The following SLC4A10 variants were observed in gnomAD, a reference collection of about 807,000 sequenced individuals.
SLC4A10 encodes sodium-driven chloride bicarbonate exchanger.
Under a neutral mutation model 137.7 loss-of-function variants are expected in SLC4A10, and 42 were observed. The observed-to-expected ratio is 0.30, with a 90% CI of 0.24 to 0.39. SLC4A10 has a LOEUF of 0.39. Ranked by LOEUF, SLC4A10 falls within the 10% of genes least tolerant of loss-of-function variation. The probability of loss-of-function intolerance (pLI) is 1.00; values close to 1 mark genes in which losing one functional copy is unlikely to be tolerated. For missense variants in SLC4A10, 925 were observed against 1,355.0 expected (o/e 0.68, Z 4.98); for synonymous variants, 474 against 464.1 (o/e 1.02, Z -0.27).
At chr2:161,909,361 T>C (rs1685270330) in intron 15 of SLC4A10, among the ~76,000 whole-genome samples, 1 of 152,218 alleles carries the variant, frequency 6.6e-6, no homozygotes, top group Non-Finnish European at 1.5e-5. Flanking sequence ...TGTGAGCATC[T>C]AAAACCTAAT....
rs1574365743 is a variant in SLC4A10 at position 161,689,980 on chromosome 2, C to T, written c.48+65414C>T. The stretch of plus-strand genomic sequence containing the variant: ...TCTGAAGAATATAGTGGATTCATGG[C>T]ATATACTAGTGTTCAAATGAATTTA... On this transcript the variant is annotated intron_variant, in intron 1 of 26. Transcript: ENST00000446997. Among the ~76,000 whole-genome samples the T allele has an allele frequency of 2.0e-5, 3 of 152,050 alleles. 1 individual carries two copies. In the East Asian group the frequency reaches 5.8e-4, roughly 29 times the overall value.
intron 2 of SLC4A10, among the ~76,000 whole-genome samples, chr2:161,791,914 G>A (rs1193817841): frequency 6.6e-6 from 1 of 152,076 alleles, no homozygotes; most frequent in East Asian, 1.9e-4. Context: ...ACAAGTACTT[G>A]CAGGCATGTG....
chr2:161,942,804 G>A lies in SLC4A10; in HGVS notation c.2010G>A (p.Val670=). ...ELLTQYSCNC[V]EPHNPSNGTL... is the part of the protein sequence containing the mutation. ...TTTGCCTTTTCAGGTGTAACTGTGT[G>A]GAACCGCATAATCCCAGCAATGGCA... is the stretch of plus-strand genomic sequence containing the variant. The change falls in exon 16 of 27, where the codon GTG becomes GTA. Residue 670 remains valine, a synonymous_variant. Transcript: ENST00000446997. 6.2e-7 allele frequency: 1 copy of A among 1,602,580 alleles called. No homozygotes were observed. Among genetic ancestry groups the A allele is most frequent in the Non-Finnish European group, 8.5e-7 (1 of 1,174,210 alleles).
chr2:161,967,482 A>G (rs965973042), intron 23 of SLC4A10, among the ~76,000 whole-genome samples: 2 of 152,166 alleles, frequency 1.3e-5, no homozygotes, highest in Non-Finnish European at 2.9e-5. Flanking sequence ...TGGTATGAAA[A>G]TGCTCAGTGA....
At chr2:161,688,054 C>T (rs1355391326) in intron 1 of SLC4A10, among the ~76,000 whole-genome samples, 1 of 152,062 alleles carries the variant, frequency 6.6e-6, no homozygotes, top group African/African-American at 2.4e-5. Flanking sequence ...TTTTATTGCT[C>T]ATACATAAAT....
At chr2:161,963,962 A>G (rs1575878798) in intron 21 of SLC4A10, among the ~76,000 whole-genome samples, 173 bp from the exon 22 acceptor site, 1 of 152,156 alleles carries the variant, frequency 6.6e-6, no homozygotes, top group South Asian at 2.1e-4. Flanking sequence ...CTGAAATTGT[A>G]GTGTTTCAGA....
chr2:161,851,295 A>G (rs767766856), intron 4 of SLC4A10, among the ~76,000 whole-genome samples: 1 of 152,174 alleles, frequency 6.6e-6, no homozygotes, highest in Admixed American at 6.5e-5. Context: ...GATCTGTCCA[A>G]TGCCATCAGT....
chr2:161,849,942 T>G (rs1018652619), intron 4 of SLC4A10, among the ~76,000 whole-genome samples: 1 of 152,092 alleles, frequency 6.6e-6, no homozygotes, highest in South Asian at 2.1e-4. Flanking sequence ...CTCCTCCTTG[T>G]TTTTTGGAAT....
intron 2 of SLC4A10, among the ~76,000 whole-genome samples, chr2:161,783,097 C>A (rs75862049): frequency 6.6e-6 from 1 of 151,858 alleles, no homozygotes; most frequent in Non-Finnish European, 1.5e-5. Flanking sequence ...AGTTACTTGT[C>A]GGGTACAAGG....
intron 3 of SLC4A10, among the ~76,000 whole-genome samples, chr2:161,826,549 G>C (rs1369708306): frequency 6.6e-6 from 1 of 152,124 alleles, no homozygotes; most frequent in Non-Finnish European, 1.5e-5. Flanking sequence ...CAAAAGGAGA[G>C]TATTTTCACT....
chr2:161,855,954 G>T (rs780786626), intron 5 of SLC4A10, among the ~76,000 whole-genome samples: 2 of 152,012 alleles, frequency 1.3e-5, no homozygotes, highest in Non-Finnish European at 2.9e-5. Flanking sequence ...TAATCATATT[G>T]TAGAGATGAA....
Position 161,882,450 on chromosome 2 carries a change from T to C in SLC4A10, c.1194+6T>C, listed in dbSNP as rs1249395674. 12 of 1,561,578 alleles carry C rather than the reference T, an allele frequency of 7.7e-6. No homozygotes were observed. Among genetic ancestry groups the C allele is most frequent in the Non-Finnish European group, 1.0e-5 (12 of 1,152,028 alleles). On this transcript the variant is annotated splice_donor_region_variant and intron_variant, in intron 10 of 26. Coordinates refer to ENST00000446997, the MANE Select transcript of SLC4A10 (RefSeq NM_001178015.2). Reference sequence around the variant, plus strand: ...CAACCCTAATGACAGATGAGGTATTTATTCAAGTTCTTTGGGAACATTTTC... The same window carrying C: ...CAACCCTAATGACAGATGAGGTATTCATTCAAGTTCTTTGGGAACATTTTC...
intron 1 of SLC4A10, among the ~76,000 whole-genome samples, chr2:161,628,677 G>T (rs1249344210): frequency 6.6e-6 from 1 of 151,934 alleles, no homozygotes; most frequent in Non-Finnish European, 1.5e-5. Context: ...TAGTCAGTAG[G>T]AAGCAAAATG....
At chr2:161,977,288 A>T (rs1219125637) in intron 25 of SLC4A10, 1 of 380,142 alleles carries the variant, frequency 2.6e-6, no homozygotes, top group Non-Finnish European at 5.3e-6. Flanking sequence ...ATAAATATTT[A>T]TATTTAGTAT....
intron 11 of SLC4A10, among the ~76,000 whole-genome samples, chr2:161,897,299 CCT>C (rs2063602985): frequency 1.3e-5 from 2 of 152,084 alleles, no homozygotes; most frequent in Non-Finnish European, 2.9e-5. Flanking sequence ...CATACTGCCA[CCT>C]CTATGCCTAC....
intron 15 of SLC4A10, among the ~76,000 whole-genome samples, chr2:161,922,179 A>G (rs758355968): frequency 1.2e-4 from 18 of 152,192 alleles, no homozygotes; most frequent in Non-Finnish European, 2.1e-4. Context: ...AGGAGAGGAT[A>G]TGTCTATTTG....
chr2:161,843,434 T>C (rs1208938738), intron 4 of SLC4A10, among the ~76,000 whole-genome samples: 1 of 152,198 alleles, frequency 6.6e-6, no homozygotes, highest in Non-Finnish European at 1.5e-5. Context: ...CCTATGTTTG[T>C]AGCCAAGCTT....
chr2:161,841,445 C>A (rs985526830), intron 4 of SLC4A10, among the ~76,000 whole-genome samples: 2 of 152,130 alleles, frequency 1.3e-5, no homozygotes, highest in African/African-American at 4.8e-5. Flanking sequence ...ATTAGAAAGA[C>A]TTTATCTTAA....
At chr2:161,630,808 C>T (rs1469291593) in intron 1 of SLC4A10, among the ~76,000 whole-genome samples, 7 of 151,682 alleles carry the variant, frequency 4.6e-5, no homozygotes, top group African/African-American at 1.7e-4. Context: ...GTTTTCCAGC[C>T]TTGCAGATGA....
Sources: gnomAD v4.1 joint callset for allele counts (sites outside exome capture counted in the v4.1 genomes callset) on GRCh38, gnomAD v4.1.1 for gene constraint, MANE v1.5 for transcripts, NCBI Gene and HGNC (gene_info 2026-07-23, HGNC 2026-07-21) for gene names.